Variants in ELOVL2 observed in about 807,000 individuals in gnomAD.
ELOVL2 encodes ELOVL fatty acid elongase 2.
In ELOVL2, 38 loss-of-function variants were observed where a neutral mutation model predicts 37.7. The observed-to-expected ratio is 1.01, with a 90% CI of 0.78 to 1.32. The LOEUF (loss-of-function observed/expected upper bound fraction) is 1.32, where lower values mean the gene tolerates loss of function less well. Ranked by LOEUF, ELOVL2 falls within the 40% of genes most tolerant of loss-of-function variation. The pLI is 0.00. For synonymous variants in ELOVL2, 115 were observed against 122.3 expected, an observed-to-expected ratio of 0.94 and a Z score of 0.40; for missense variants, 352 against 363.6, an observed-to-expected ratio of 0.97 and a Z score of 0.26.
At chr6:11,041,449 T>A (rs898166168) in intron 1 of ELOVL2, among the ~76,000 whole-genome samples, 12 of 152,170 alleles carry the variant, frequency 7.9e-5, no homozygotes, top group African/African-American at 2.2e-4. Context: ...TAAAAATTGA[T>A]TTTTTACTCC....
chr6:11,010,690 T>G lies in ELOVL2; in HGVS notation c.67+56A>C. 3.0e-6 allele frequency: 4 copies of G among 1,343,188 alleles called. No individual in the cohort carries two copies. The East Asian group carries it at 9.1e-5, about 31-fold the overall frequency. 83.2% of individuals were successfully genotyped at this position (1,343,188 alleles called of 1,614,324 possible). On this transcript the variant is annotated intron_variant, in intron 2 of 7. Coordinates refer to ENST00000354666, the MANE Select transcript of ELOVL2 (RefSeq NM_017770.4). ...AAATAACATAATCCCTTTCTATAAC[T>G]AAATGGTGTTCTTCCTGTGTTCCTT...
chr6:11,016,405 T>C (rs1167987465), intron 1 of ELOVL2, among the ~76,000 whole-genome samples: 1 of 152,200 alleles, frequency 6.6e-6, no homozygotes, highest in Non-Finnish European at 1.5e-5. Flanking sequence ...AAACACACAG[T>C]TTGAAACATA....
In ELOVL2 at chr6:10,981,396, A is replaced by G. The variant is rs1269018168; in HGVS notation, c.*2385T>C. ...AACGACAGGTTAAAATGTTTACCTG[A>G]TTTATTTTTTGTGGCTAAGATTTCA... is the stretch of plus-strand genomic sequence containing the variant. On this transcript the variant is annotated 3_prime_UTR_variant, in exon 8 of 8. Transcript: ENST00000354666. The G allele has an allele frequency of 1.3e-5, 2 of 152,568 alleles. No individual in the cohort carries two copies. Among genetic ancestry groups the G allele is most frequent in the African/African-American group, 4.8e-5 (2 of 41,430 alleles). 9.5% of individuals were successfully genotyped at this position (152,568 alleles called of 1,614,324 possible).
At chr6:10,990,674 C>CG (rs1554110758) in intron 5 of ELOVL2, among the ~76,000 whole-genome samples, 2 of 40,118 alleles carry the variant, frequency 5.0e-5, no homozygotes, top group Admixed American at 4.2e-4. Context: ...AATGCCCCCC[C>CG]CCCGCCACAC....
intron 3 of ELOVL2, among the ~76,000 whole-genome samples, chr6:11,005,019 C>A (rs920633414): frequency 6.6e-6 from 1 of 152,042 alleles, no homozygotes. Flanking sequence ...AGTAGCCGGG[C>A]ATGGTGGGGA....
At chr6:11,022,513 T>C (rs993786354) in intron 1 of ELOVL2, among the ~76,000 whole-genome samples, 4 of 152,156 alleles carry the variant, frequency 2.6e-5, no homozygotes, top group Non-Finnish European at 5.9e-5. Flanking sequence ...TATGGGTATG[T>C]GTGTACGTCA....
intron 1 of ELOVL2, among the ~76,000 whole-genome samples, chr6:11,034,796 A>C (rs2113563873): frequency 6.6e-6 from 1 of 152,282 alleles, no homozygotes; most frequent in Non-Finnish European, 1.5e-5. Flanking sequence ...TGAGGTCCGG[A>C]GTTCGAAACC....
Position 10,980,839 on chromosome 6 carries a change from C to T in ELOVL2, c.*2942G>A, listed in dbSNP as rs1245070245. 2 of 152,572 alleles carry T rather than the reference C, an allele frequency of 1.3e-5. No homozygotes were observed. Among genetic ancestry groups the T allele is most frequent in the Admixed American group, 6.6e-5 (1 of 15,266 alleles). The allele number at this position is 152,572 out of a possible 1,614,324, so 9.5% of individuals were successfully genotyped here. ...CAAAGAGAAATGGCTTCTGCAGCCT[C>T]CCTGTCTACTCCATTCATGATACTA... On this transcript the variant is annotated 3_prime_UTR_variant, in exon 8 of 8. Coordinates refer to ENST00000354666, the MANE Select transcript of ELOVL2 (RefSeq NM_017770.4).
Position 10,983,345 on chromosome 6 carries a change from A to G in ELOVL2, c.*436T>C, listed in dbSNP as rs1334176510. The G allele has an allele frequency of 6.6e-6, 1 of 152,538 alleles. No homozygotes were observed. The highest frequency in any genetic ancestry group is 1.5e-5 in the Non-Finnish European group (1 of 68,266). 9.4% of individuals were successfully genotyped at this position (152,538 alleles called of 1,614,324 possible). A position where few individuals can be genotyped will look rare whatever the true frequency, so the allele number is the denominator to read the frequency against. On this transcript the variant is annotated 3_prime_UTR_variant, in exon 8 of 8. Transcript: ENST00000354666. ...AATGGAATGATTATGCACTGGCATTATTGCTTAATATAGATTAGAACATAC... is the reference window on the plus strand; with the variant it reads ...AATGGAATGATTATGCACTGGCATTGTTGCTTAATATAGATTAGAACATAC...
chr6:11,005,081 C>T (rs959743384), intron 3 of ELOVL2, among the ~76,000 whole-genome samples: 16 of 152,058 alleles, frequency 1.1e-4, no homozygotes, highest in African/African-American at 3.9e-4. Context: ...ATCGCTTGAA[C>T]CTGGGAGGCG....
chr6:10,998,015 G>A (rs1277358958), intron 4 of ELOVL2, among the ~76,000 whole-genome samples: 1 of 152,122 alleles, frequency 6.6e-6, no homozygotes, highest in Non-Finnish European at 1.5e-5. Flanking sequence ...GATCCCTCAT[G>A]AATGGCTTGG....
chr6:11,024,835 T>C lies in ELOVL2; in HGVS notation c.4-14026A>G, dbSNP rs1782816217. Among the ~76,000 whole-genome samples the C allele has an allele frequency of 2.6e-5, 4 of 152,234 alleles. No homozygotes were observed. The South Asian group carries it at 8.3e-4, about 32-fold the overall frequency. On this transcript the variant is annotated intron_variant, in intron 1 of 7. Coordinates refer to ENST00000354666, the MANE Select transcript of ELOVL2 (RefSeq NM_017770.4). ...TTTTTTGGAAAGCAGGTTGGTTAACTGGAGGAAAGGTATGTTGAGTTTGTT... is the reference window on the plus strand; with the variant it reads ...TTTTTTGGAAAGCAGGTTGGTTAACCGGAGGAAAGGTATGTTGAGTTTGTT...
At chr6:10,993,680 C>A (rs1246225146) in intron 5 of ELOVL2, among the ~76,000 whole-genome samples, 1 of 151,800 alleles carries the variant, frequency 6.6e-6, no homozygotes, top group East Asian at 1.9e-4. Context: ...CTCATGTCTA[C>A]ACTTTTTTGT....
At chr6:10,994,902 C>T (rs1782236094) in intron 5 of ELOVL2, 105 bp downstream of exon 5, 1 of 916,580 alleles carries the variant, frequency 1.1e-6, no homozygotes, top group South Asian at 2.4e-5. Flanking sequence ...CGCTCTAGGC[C>T]TCCCTTCATG....
chr6:10,984,265 G>A (rs111257381), intron 7 of ELOVL2, among the ~76,000 whole-genome samples: 386 of 152,130 alleles, frequency 2.5e-3, no homozygotes, highest in African/African-American at 8.9e-3. Flanking sequence ...TGATCCACCC[G>A]CCTCGGCCTC....
chr6:11,040,753 C>T (rs1452874267), intron 1 of ELOVL2, among the ~76,000 whole-genome samples: 3 of 152,146 alleles, frequency 2.0e-5, no homozygotes, highest in Non-Finnish European at 4.4e-5. Flanking sequence ...GCACTCCAAG[C>T]ACTGTTTTAG....
At chr6:11,016,393 C>T (rs1372412413) in intron 1 of ELOVL2, among the ~76,000 whole-genome samples, 1 of 152,174 alleles carries the variant, frequency 6.6e-6, no homozygotes, top group Non-Finnish European at 1.5e-5. Flanking sequence ...ATTAAGATCA[C>T]AAAACACACA....
chr6:11,028,057 T>G (rs2113551905), intron 1 of ELOVL2, among the ~76,000 whole-genome samples: 1 of 152,288 alleles, frequency 6.6e-6, no homozygotes, highest in Non-Finnish European at 1.5e-5. Context: ...TTTTCCCCAA[T>G]GCCATTCCTC....
rs182077720 is a variant in ELOVL2 at position 11,034,639 on chromosome 6, C to T, written c.3+9589G>A. The stretch of plus-strand genomic sequence containing the variant: ...CAGAGGTTGCAGTGAGCTGAGATTG[C>T]GCCACTGCACTCCAGCCTGGGTGAC... On this transcript the variant is annotated intron_variant, in intron 1 of 7. Coordinates refer to ENST00000354666, the MANE Select transcript of ELOVL2 (RefSeq NM_017770.4). 1.3e-4 allele frequency among the ~76,000 whole-genome samples: 19 copies of T among 151,780 alleles called. No individual in the cohort carries two copies. In the East Asian group the frequency reaches 2.1e-3, roughly 17 times the overall value.
Sources: gnomAD v4.1 joint callset for allele counts (sites outside exome capture counted in the v4.1 genomes callset) on GRCh38, gnomAD v4.1.1 for gene constraint, MANE v1.5 for transcripts, NCBI Gene and HGNC (gene_info 2026-07-23, HGNC 2026-07-21) for gene names.